The following SUPT3H variants were observed in gnomAD, a reference collection of about 807,000 sequenced individuals.
The protein encoded by SUPT3H is SPT3 homolog, SAGA and STAGA complex component, also known as transcription initiation protein SPT3 homolog.
SUPT3H carries 44 observed loss-of-function variants against 44.3 expected under a neutral mutation model. That is an observed-to-expected ratio of 0.99 (90% CI 0.78 to 1.28). SUPT3H has a LOEUF of 1.28. SUPT3H is among the 50% of genes most tolerant of loss of function. The pLI is 0.00. For synonymous variants in SUPT3H, 124 were observed against 125.6 expected, an observed-to-expected ratio of 0.99 and a Z score of 0.09; for missense variants, 380 against 387.1, an observed-to-expected ratio of 0.98 and a Z score of 0.15.
intron 3 of SUPT3H, among the ~76,000 whole-genome samples, chr6:45,100,006 T>A (rs1798326198): frequency 6.6e-6 from 1 of 152,028 alleles, no homozygotes; most frequent in African/African-American, 2.4e-5. Context: ...GTCTTTTCAA[T>A]AAACGGTGCT....
intron 10 of SUPT3H, among the ~76,000 whole-genome samples, chr6:44,889,024 A>G (rs968495639): frequency 1.3e-5 from 2 of 148,366 alleles, no homozygotes; most frequent in African/African-American, 2.5e-5. Flanking sequence ...CAATTGCTTC[A>G]AAGAGAATAA....
At chr6:45,198,156 T>C (rs1816395202) in intron 2 of SUPT3H, among the ~76,000 whole-genome samples, 1 of 151,380 alleles carries the variant, frequency 6.6e-6, no homozygotes, top group Non-Finnish European at 1.5e-5. Flanking sequence ...TCTTAAGAGC[T>C]GGTCTAATCA....
chr6:44,824,103 C>G (rs530566035), downstream of SUPT3H, among the ~76,000 whole-genome samples: 1 of 152,180 alleles, frequency 6.6e-6, no homozygotes, highest in Non-Finnish European at 1.5e-5. Flanking sequence ...GGATTAGGAA[C>G]GTGGGAAGTT....
At chr6:45,311,075 T>A (rs1783872023) in intron 2 of SUPT3H, among the ~76,000 whole-genome samples, 1 of 152,132 alleles carries the variant, frequency 6.6e-6, no homozygotes, top group African/African-American at 2.4e-5. Context: ...ATAGATAGCA[T>A]AAAGAAAATA....
chr6:45,181,554 A>G (rs1182334053), intron 2 of SUPT3H, among the ~76,000 whole-genome samples: 1 of 151,954 alleles, frequency 6.6e-6, no homozygotes, highest in Non-Finnish European at 1.5e-5. Context: ...TGATGAGTTC[A>G]TGTCCTTTGT....
intron 3 of SUPT3H, among the ~76,000 whole-genome samples, chr6:45,068,986 A>G: frequency 6.6e-6 from 1 of 151,808 alleles, no homozygotes; most frequent in Non-Finnish European, 1.5e-5. Context: ...GCAAAAAAAA[A>G]AAAATAAAAA....
chr6:45,017,442 A>T lies in SUPT3H; in HGVS notation c.274-2551T>A, dbSNP rs781321012. Among the ~76,000 whole-genome samples the T allele has an allele frequency of 1.9e-3, 288 of 148,578 alleles. 1 individual carries two copies. The highest frequency in any genetic ancestry group is 9.6e-3 in the South Asian group (41 of 4,262). On this transcript the variant is annotated intron_variant, in intron 4 of 10. Coordinates refer to ENST00000371459, the MANE Select transcript of SUPT3H (RefSeq NM_003599.4). ...GCCCATGCCTATGTCCTGAATGGTAATGCCTAGGTTTTCTTCCAGGGTTTT... is the reference window on the plus strand; with the variant it reads ...GCCCATGCCTATGTCCTGAATGGTATTGCCTAGGTTTTCTTCCAGGGTTTT...
chr6:45,025,022 G>A (rs1785743107), intron 3 of SUPT3H, among the ~76,000 whole-genome samples: 1 of 152,030 alleles, frequency 6.6e-6, no homozygotes, highest in African/African-American at 2.4e-5. Flanking sequence ...AAGATTTTGG[G>A]AATCCTTAGA....
intron 2 of SUPT3H, among the ~76,000 whole-genome samples, chr6:45,316,844 A>G (rs1294134421): frequency 6.6e-6 from 1 of 152,342 alleles, no homozygotes. Context: ...ACAGCGGCTC[A>G]TGCCTGCATG....
At chr6:44,849,345 G>T (rs1581974864) in intron 10 of SUPT3H, among the ~76,000 whole-genome samples, 2 of 146,462 alleles carry the variant, frequency 1.4e-5, no homozygotes, top group Admixed American at 7.0e-5. Flanking sequence ...TCCTGCCTCA[G>T]CCTCCCAAGT....
intron 2 of SUPT3H, among the ~76,000 whole-genome samples, chr6:45,133,077 C>A (rs1803731512): frequency 6.6e-6 from 1 of 152,078 alleles, no homozygotes; most frequent in African/African-American, 2.4e-5. Flanking sequence ...TACACACAGA[C>A]AAAATTAACA....
chr6:45,119,221 T>C (rs1462826537), intron 2 of SUPT3H, among the ~76,000 whole-genome samples: 7 of 152,354 alleles, frequency 4.6e-5, no homozygotes, highest in African/African-American at 1.7e-4. Flanking sequence ...CTCCTCATAG[T>C]ATAGTTACAT....
chr6:45,372,131 A>G, intron 1 of SUPT3H: 1 of 522,026 alleles, frequency 1.9e-6, no homozygotes, highest in Non-Finnish European at 2.5e-6. Context: ...CCACAATGGA[A>G]GCAGTAAAGA....
At chr6:45,220,071 T>C (rs1765776373) in intron 2 of SUPT3H, among the ~76,000 whole-genome samples, 1 of 124,508 alleles carries the variant, frequency 8.0e-6, no homozygotes, top group Non-Finnish European at 1.7e-5. Context: ...AAAAAAGAAT[T>C]ACACCCATTT....
At chr6:44,977,916 G>A (rs1006536370) in intron 6 of SUPT3H, among the ~76,000 whole-genome samples, 6 of 152,062 alleles carry the variant, frequency 3.9e-5, no homozygotes, top group South Asian at 4.2e-4. Flanking sequence ...CTCAGATTGC[G>A]CTACATGCAG....
intron 2 of SUPT3H, among the ~76,000 whole-genome samples, chr6:45,290,217 T>C (rs551285323): frequency 4.6e-5 from 7 of 152,188 alleles, no homozygotes; most frequent in African/African-American, 1.7e-4. Flanking sequence ...TTTTCTTCCT[T>C]TGGACAAATT....
At chr6:45,000,365 T>A (rs1453830344) in intron 6 of SUPT3H, among the ~76,000 whole-genome samples, 2 of 152,014 alleles carry the variant, frequency 1.3e-5, no homozygotes, top group Non-Finnish European at 2.9e-5. Flanking sequence ...TAAATCATGA[T>A]AGGTAGAAAT....
At chr6:45,006,530 T>C (rs1782742521) in intron 5 of SUPT3H, among the ~76,000 whole-genome samples, 1 of 152,098 alleles carries the variant, frequency 6.6e-6, no homozygotes, top group African/African-American at 2.4e-5. Context: ...GTTGGACACA[T>C]TGCTTGAACA....
intron 2 of SUPT3H, among the ~76,000 whole-genome samples, chr6:45,226,549 A>AT (rs921111036): frequency 1.3e-5 from 2 of 151,710 alleles, no homozygotes; most frequent in African/African-American, 4.8e-5. Flanking sequence ...ACAAAAAAAA[A>AT]TTTTTTCTTC....
Sources: allele counts gnomAD v4.1 joint callset (sites outside exome capture counted in the v4.1 genomes callset), GRCh38; gene constraint gnomAD v4.1.1; transcripts MANE v1.5; gene names NCBI Gene and HGNC (gene_info 2026-07-23, HGNC 2026-07-21).